Variants in IFT81 observed in about 807,000 individuals in gnomAD.
IFT81 encodes intraflagellar transport 81, also known as intraflagellar transport protein 81 homolog.
A neutral mutation model predicts 102.6 loss-of-function variants in IFT81; 72 were observed. The observed-to-expected ratio is 0.70, with a 90% CI of 0.58 to 0.85. The LOEUF is 0.85. IFT81 is among the 40% of genes least tolerant of loss of function. IFT81 has a pLI of 0.00. For synonymous variants in IFT81, 237 were observed against 242.7 expected (o/e 0.98, Z 0.22); for missense variants, 723 against 787.3 (o/e 0.92, Z 0.98).
At chr12:110,146,274 T>G (rs1458611799) in intron 9 of IFT81, among the ~76,000 whole-genome samples, 4 of 152,228 alleles carry the variant, frequency 2.6e-5, no homozygotes, top group Admixed American at 1.3e-4. Context: ...TTTGGAAAGA[T>G]TTAGATTAAT....
intron 10 of IFT81, among the ~76,000 whole-genome samples, chr12:110,154,707 T>C (rs1315202541): frequency 1.3e-5 from 2 of 152,142 alleles, no homozygotes; most frequent in African/African-American, 4.8e-5. Flanking sequence ...TTACCAGTTT[T>C]ATTTCTGTTG....
At chr12:110,217,949 T>C (rs972957350) in intron 18 of IFT81, 95 bp from the exon 19 acceptor site, 3 of 810,630 alleles carry the variant, frequency 3.7e-6, no homozygotes, top group South Asian at 1.8e-5. Flanking sequence ...ATTTTTTATC[T>C]ACTGTAGAAA....
At chr12:110,167,601 G>T (rs1403836397) in intron 11 of IFT81, among the ~76,000 whole-genome samples, 1 of 151,964 alleles carries the variant, frequency 6.6e-6, no homozygotes, top group African/African-American at 2.4e-5. Context: ...ATATAAATCT[G>T]GTTGAATTGA....
In IFT81 at chr12:110,191,022, C is replaced by A; in HGVS notation, c.1441C>A (p.Arg481=). The change falls in exon 13 of 19, where the codon CGA becomes AGA. Residue 481 remains arginine, a synonymous_variant. Coordinates refer to ENST00000242591, the MANE Select transcript of IFT81 (RefSeq NM_014055.4). ...GAGTGAAGTTGATGAAATGAAAGGACGAACATTGGATGATATGTCTGAAAT... is the reference window on the plus strand; with the variant it reads ...GAGTGAAGTTGATGAAATGAAAGGAAGAACATTGGATGATATGTCTGAAAT... ...LKSEVDEMKG[R]TLDDMSEMVK... 3 of 1,608,018 alleles carry A rather than the reference C, an allele frequency of 1.9e-6. No homozygotes were observed. Among genetic ancestry groups the A allele is most frequent in the Non-Finnish European group, 2.5e-6 (3 of 1,177,766 alleles).
Position 110,129,009 on chromosome 12 carries a change from A to C in IFT81, c.308A>C (p.His103Pro). The part of the protein sequence containing the change: ...GSKPVIYPVL[H>P]WLLQRTNELK... ...AAACCTGTAATTTACCCAGTGCTCC[A>C]CTGGCTTCTTCAGAGGACTAATGAA... is the stretch of plus-strand genomic sequence containing the variant. The change falls in exon 4 of 19, where the codon CAC becomes CCC. Residue 103 changes from histidine to proline, a missense_variant. His to Pro is a moderately conservative substitution (Grantham distance 77). Coordinates refer to ENST00000242591, the MANE Select transcript of IFT81 (RefSeq NM_014055.4). 6.2e-7 allele frequency: 1 copy of C among 1,612,778 alleles called. No homozygotes were observed. Among genetic ancestry groups the C allele is most frequent in the Non-Finnish European group, 8.5e-7 (1 of 1,179,560 alleles).
At chr12:110,201,168 C>T (rs755772975) in intron 14 of IFT81, among the ~76,000 whole-genome samples, 14 of 151,862 alleles carry the variant, frequency 9.2e-5, no homozygotes, top group Middle Eastern at 3.2e-3. Context: ...TTTGGGAGGC[C>T]AAGGCGAGCA....
At chr12:110,208,684 A>G (rs1252050924) in intron 17 of IFT81, among the ~76,000 whole-genome samples, 1 of 152,182 alleles carries the variant, frequency 6.6e-6, no homozygotes, top group Non-Finnish European at 1.5e-5. Context: ...GTTTGTTTGC[A>G]TATTTTCACT....
intron 8 of IFT81, among the ~76,000 whole-genome samples, chr12:110,139,851 TA>T (rs1566110383): frequency 2.5e-5 from 3 of 119,056 alleles, no homozygotes. Context: ...ATAAAATAAA[TA>T]AAATAAAATA....
rs1392684100 is a variant in IFT81 at position 110,144,286 on chromosome 12, G to A, written c.945+741G>A. Among the ~76,000 whole-genome samples the A allele has an allele frequency of 5.3e-5, 8 of 150,346 alleles. No individual in the cohort carries two copies. The South Asian group carries it at 6.3e-4, about 12-fold the overall frequency. ...GGCTGGAGTGCAGTAGCGTGATCTC[G>A]GCTCACTACAACCTCCGCTTCCCGA... is the stretch of plus-strand genomic sequence containing the variant. On this transcript the variant is annotated intron_variant, in intron 9 of 18. Coordinates refer to ENST00000242591, the MANE Select transcript of IFT81 (RefSeq NM_014055.4).
chr12:110,151,883 A>C (rs1411013606), intron 10 of IFT81, among the ~76,000 whole-genome samples: 1 of 152,120 alleles, frequency 6.6e-6, no homozygotes, highest in Admixed American at 6.6e-5. Context: ...TTAAGATTCC[A>C]CATGTGAGTG....
intron 9 of IFT81, among the ~76,000 whole-genome samples, chr12:110,144,207 G>C (rs536899664): frequency 2.9e-4 from 44 of 149,520 alleles, no homozygotes; most frequent in African/African-American, 1.1e-3. Context: ...TGTTTTTGTT[G>C]TTGTTGTTTT....
intron 18 of IFT81, among the ~76,000 whole-genome samples, chr12:110,217,827 A>C (rs1214813427): frequency 6.6e-6 from 1 of 151,362 alleles, no homozygotes; most frequent in Non-Finnish European, 1.5e-5. Flanking sequence ...TGATCTGCCC[A>C]CCTCAGCCTC....
At chr12:110,139,051 C>A (rs1205525094) in intron 8 of IFT81, among the ~76,000 whole-genome samples, 2 of 151,998 alleles carry the variant, frequency 1.3e-5, no homozygotes, top group Non-Finnish European at 2.9e-5. Context: ...ATAAACCACA[C>A]AAACCCTGGT....
At chr12:110,152,129 C>G (rs1301888708) in intron 10 of IFT81, among the ~76,000 whole-genome samples, 1 of 152,134 alleles carries the variant, frequency 6.6e-6, no homozygotes, top group African/African-American at 2.4e-5. Flanking sequence ...ATGCAGATAT[C>G]TCTTAAATAT....
chr12:110,194,481 C>T (rs183340617), intron 14 of IFT81, among the ~76,000 whole-genome samples: 57 of 151,756 alleles, frequency 3.8e-4, no homozygotes. Context: ...TCTGCTGTTG[C>T]CAGGCTAGTC....
intron 11 of IFT81, among the ~76,000 whole-genome samples, chr12:110,164,783 G>T (rs1896344087): frequency 6.6e-6 from 1 of 152,100 alleles, no homozygotes; most frequent in Admixed American, 6.6e-5. Flanking sequence ...ATGATATCTG[G>T]AAGTCAACAG....
intron 13 of IFT81, among the ~76,000 whole-genome samples, chr12:110,192,318 A>G (rs1168812245): frequency 6.6e-6 from 1 of 152,172 alleles, no homozygotes; most frequent in African/African-American, 2.4e-5. Context: ...TAAATAATAC[A>G]TCATGATTAT....
rs765349119 is a variant in IFT81 at position 110,218,048 on chromosome 12, T to G, written c.1853T>G (p.Leu618Arg). Residue 618 changes from leucine to arginine, a missense_variant, in exon 19 of 19, where the codon CTT becomes CGT. Transcript: ENST00000242591. ...TAEQENLGKK[L>R]REKQKVIRES... ...CTTGTTTTTTTTTAATGATAGAAAC[T>G]TCGGGAAAAACAAAAAGTTATACGA... The G allele has an allele frequency of 1.8e-5, 29 of 1,594,674 alleles. No individual in the cohort carries two copies. Among genetic ancestry groups the G allele is most frequent in the Non-Finnish European group, 2.5e-5 (29 of 1,173,160 alleles).
intron 11 of IFT81, among the ~76,000 whole-genome samples, chr12:110,164,610 C>T (rs765508601): frequency 2.4e-4 from 37 of 152,144 alleles, no homozygotes; most frequent in Non-Finnish European, 4.7e-4. Context: ...GAATTGCTCC[C>T]ATAGTACCAC....
Sources: gnomAD v4.1 joint callset for allele counts (sites outside exome capture counted in the v4.1 genomes callset) on GRCh38, gnomAD v4.1.1 for gene constraint, MANE v1.5 for transcripts, NCBI Gene and HGNC (gene_info 2026-07-23, HGNC 2026-07-21) for gene names.